The following RALYL variants were observed in gnomAD, a reference collection of about 807,000 sequenced individuals.
RALYL encodes the protein RNA-binding Raly-like protein.
A neutral mutation model predicts 35.1 loss-of-function variants in RALYL; 29 were observed. The ratio of observed to expected loss-of-function variants is 0.83; its 90% CI spans 0.61 to 1.13. The LOEUF is 1.13. Ranked by LOEUF, RALYL falls within the 50% of genes most tolerant of loss-of-function variation. The pLI is 0.00. For missense variants in RALYL, 359 were observed against 360.4 expected (o/e 1.00, Z 0.03); for synonymous variants, 120 against 127.6 (o/e 0.94, Z 0.40).
At position 84,853,313 on chromosome 8, in the gene RALYL, C is replaced by A. The variant is rs77333798; in HGVS notation, c.413+3286C>A. 3.5e-4 allele frequency among the ~76,000 whole-genome samples: 54 copies of A among 152,182 alleles called. No individual in the cohort carries two copies. The East Asian group carries it at 0.01, about 28-fold the overall frequency. On this transcript the variant is annotated intron_variant, in intron 5 of 8. Transcript: ENST00000521268. The stretch of plus-strand genomic sequence containing the variant: ...ATCTTTAAAAGGAAGCCAGGATTTG[C>A]ATTTTACTATTTAGAAATGTTAGCT...
intron 1 of RALYL, among the ~76,000 whole-genome samples, chr8:84,400,121 GA>G (rs561838543): frequency 0.03 from 4,471 of 147,802 alleles, 217 homozygotes; most frequent in African/African-American, 0.1. Flanking sequence ...GTCTCAAAAA[GA>G]AAAAAAAAAT....
At chr8:84,887,265 A>G (rs1232677862) in intron 7 of RALYL, among the ~76,000 whole-genome samples, 1 of 152,156 alleles carries the variant, frequency 6.6e-6, no homozygotes, top group African/African-American at 2.4e-5. Flanking sequence ...TCCTCTCAGA[A>G]AGACCATCCT....
At chr8:84,202,715 G>T (rs187318647) in intron 1 of RALYL, among the ~76,000 whole-genome samples, 22 of 152,158 alleles carry the variant, frequency 1.4e-4, no homozygotes, top group African/African-American at 4.8e-4. Flanking sequence ...CTTTCATGGT[G>T]ACTTTAGACT....
At chr8:84,802,473 G>A (rs72681052) in intron 3 of RALYL, among the ~76,000 whole-genome samples, 280 of 152,042 alleles carry the variant, frequency 1.8e-3, no homozygotes, top group Middle Eastern at 3.4e-3. Context: ...GGCTTGAAGT[G>A]GTAGGAGAAG....
intron 2 of RALYL, among the ~76,000 whole-genome samples, chr8:84,584,438 A>G (rs1811536932): frequency 6.6e-6 from 1 of 152,014 alleles, no homozygotes; most frequent in Admixed American, 6.5e-5. Flanking sequence ...CCCCATCTCT[A>G]CTAAAAATAC....
chr8:84,424,839 G>A (rs1357502573), intron 1 of RALYL, among the ~76,000 whole-genome samples: 2 of 151,998 alleles, frequency 1.3e-5, no homozygotes, highest in Admixed American at 6.5e-5. Flanking sequence ...CCTGCTGGGG[G>A]GTGCCTCCCA....
rs148166591 is a variant in RALYL, at chr8:84,803,267, G to A, written c.333-1503G>A. 9.5e-4 allele frequency among the ~76,000 whole-genome samples: 144 copies of A among 152,232 alleles called. 1 individual carries two copies. Among genetic ancestry groups the A allele is most frequent in the African/African-American group, 3.3e-3 (138 of 41,514 alleles). The stretch of plus-strand genomic sequence containing the variant: ...TGGAAAATAAAGTAGTACCATTATC[G>A]TGTTGATGGTCTAAATATGTGAACA... On this transcript the variant is annotated intron_variant, in intron 3 of 8. Transcript: ENST00000521268.
chr8:84,252,962 T>C (rs1830481282), intron 1 of RALYL, among the ~76,000 whole-genome samples: 1 of 152,106 alleles, frequency 6.6e-6, no homozygotes, highest in African/African-American at 2.4e-5. Flanking sequence ...TGTGAGAGTC[T>C]TCTCATTTGT....
chr8:84,685,631 C>A (rs1341676118), intron 2 of RALYL, among the ~76,000 whole-genome samples: 2 of 152,080 alleles, frequency 1.3e-5, no homozygotes, highest in African/African-American at 4.8e-5. Context: ...CATACATGTT[C>A]CTGAAAAATT....
At chr8:84,680,330 A>G (rs538848605) in intron 2 of RALYL, among the ~76,000 whole-genome samples, 1 of 152,262 alleles carries the variant, frequency 6.6e-6, no homozygotes, top group Non-Finnish European at 1.5e-5. Flanking sequence ...GTGTCTTTAT[A>G]GCAGCATGAT....
At chr8:84,766,611 C>T (rs2133446162) in intron 2 of RALYL, among the ~76,000 whole-genome samples, 1 of 148,322 alleles carries the variant, frequency 6.7e-6, no homozygotes, top group East Asian at 2.0e-4. Context: ...GTAATCCCAG[C>T]TACTTGGGAG....
At chr8:84,872,211 G>A (rs1017357496) in intron 6 of RALYL, among the ~76,000 whole-genome samples, 5 of 152,128 alleles carry the variant, frequency 3.3e-5, no homozygotes, top group African/African-American at 1.2e-4. Flanking sequence ...ATCTCTGATT[G>A]TTGTGGATTC....
At chr8:84,840,924 T>G (rs1833145371) in intron 4 of RALYL, among the ~76,000 whole-genome samples, 1 of 152,032 alleles carries the variant, frequency 6.6e-6, no homozygotes, top group Non-Finnish European at 1.5e-5. Flanking sequence ...TGCTGAGAGA[T>G]TTTGTCACCA....
chr8:84,817,602 T>C (rs1413751540), intron 4 of RALYL, among the ~76,000 whole-genome samples: 1 of 151,850 alleles, frequency 6.6e-6, no homozygotes, highest in Non-Finnish European at 1.5e-5. Context: ...ATCTCCCAGG[T>C]TGGAGTGCAG....
chr8:84,184,450 C>T (rs1312979861), intron 1 of RALYL, 26 bp downstream of exon 1: 2 of 153,138 alleles, frequency 1.3e-5, no homozygotes, highest in African/African-American at 4.8e-5. Flanking sequence ...GGAGGCGTTT[C>T]CCGGGTGTGC....
At chr8:84,882,065 T>C (rs1469670742) in intron 7 of RALYL, among the ~76,000 whole-genome samples, 2 of 152,052 alleles carry the variant, frequency 1.3e-5, no homozygotes, top group Non-Finnish European at 2.9e-5. Context: ...GAATCTTACA[T>C]GGTCAGCACT....
intron 1 of RALYL, among the ~76,000 whole-genome samples, chr8:84,499,427 C>T (rs926564556): frequency 2.6e-5 from 4 of 152,020 alleles, no homozygotes; most frequent in African/African-American, 4.8e-5. Flanking sequence ...TGGGAAACAT[C>T]GAAAATAACT....
rs149669035 is a variant in RALYL at position 84,610,823 on chromosome 8, G to A, written c.256+81246G>A. ...ATACTTCCAGCTTTGGCCACTCAGA[G>A]CTCCTTCAGTGGGTTCCTGTGCACT... On this transcript the variant is annotated intron_variant, in intron 2 of 8. Coordinates refer to ENST00000521268, the MANE Select transcript of RALYL (RefSeq NM_173848.7). Among the ~76,000 whole-genome samples, 184 of 152,232 alleles carry A rather than the reference G, an allele frequency of 1.2e-3. 1 individual carries two copies. The highest frequency in any genetic ancestry group is 4.3e-3 in the African/African-American group (178 of 41,546).
chr8:84,855,034 ATTG>A (rs1353809341), intron 5 of RALYL, among the ~76,000 whole-genome samples: 8 of 152,194 alleles, frequency 5.3e-5, no homozygotes, highest in African/African-American at 1.2e-4. Flanking sequence ...ACTGGAATGA[ATTG>A]TTGTTGCCAG....
Sources: gnomAD v4.1 joint callset for allele counts (sites outside exome capture counted in the v4.1 genomes callset) on GRCh38, gnomAD v4.1.1 for gene constraint, MANE v1.5 for transcripts, NCBI Gene and HGNC (gene_info 2026-07-23, HGNC 2026-07-21) for gene names.